Variants in ERC1 observed in about 807,000 individuals in gnomAD.
ERC1 encodes the protein ELKS/RAB6-interacting/CAST family member 1.
In ERC1, 56 loss-of-function variants were observed where a neutral mutation model predicts 132.0. The ratio of observed to expected loss-of-function variants is 0.42; its 90% CI spans 0.34 to 0.53. The LOEUF is 0.53. Ranked by LOEUF, ERC1 falls within the 20% of genes least tolerant of loss-of-function variation. The pLI, the probability that ERC1 is intolerant of heterozygous loss-of-function variation, is 0.03. For missense variants in ERC1, 1,202 were observed against 1,349.9 expected, an observed-to-expected ratio of 0.89 and a Z score of 1.72; for synonymous variants, 478 against 476.1, an observed-to-expected ratio of 1.00 and a Z score of -0.05.
chr12:1,224,537 G>C (rs753195202), intron 12 of ERC1, among the ~76,000 whole-genome samples: 1 of 152,080 alleles, frequency 6.6e-6, no homozygotes, highest in Non-Finnish European at 1.5e-5. Context: ...GTGCCATACT[G>C]TACTACTTTG....
chr12:1,154,380 C>T (rs963046133), intron 8 of ERC1, among the ~76,000 whole-genome samples: 1 of 150,102 alleles, frequency 6.7e-6, no homozygotes, highest in Non-Finnish European at 1.5e-5. Flanking sequence ...CACACACACA[C>T]ACTTTCTGTC....
chr12:1,047,322 CACAT>C (rs1181856658), intron 2 of ERC1, among the ~76,000 whole-genome samples: 2 of 152,012 alleles, frequency 1.3e-5, no homozygotes, highest in Non-Finnish European at 2.9e-5. Flanking sequence ...CATTTATTGA[CACAT>C]ACAGAAATAT....
chr12:1,306,059 A>G (rs1173654317), intron 15 of ERC1, among the ~76,000 whole-genome samples: 4 of 152,120 alleles, frequency 2.6e-5, no homozygotes, highest in Non-Finnish European at 5.9e-5. Context: ...CCCAAACTTT[A>G]TGGTGTCTTC....
At chr12:1,470,628 C>G (rs1040021222) in intron 18 of ERC1, among the ~76,000 whole-genome samples, 1 of 151,930 alleles carries the variant, frequency 6.6e-6, no homozygotes, top group African/African-American at 2.4e-5. Flanking sequence ...AACGACGAGC[C>G]CTTAATTTGA....
chr12:1,362,883 G>C (rs1384668459), intron 15 of ERC1, among the ~76,000 whole-genome samples: 2 of 152,162 alleles, frequency 1.3e-5, no homozygotes, highest in African/African-American at 4.8e-5. Flanking sequence ...ATCTGTATTT[G>C]ACTATAGGTT....
chr12:1,448,328 G>C lies in ERC1; in HGVS notation c.3213+3578G>C, dbSNP rs114981461. On this transcript the variant is annotated intron_variant, in intron 18 of 18. Coordinates refer to ENST00000360905, the MANE Select transcript of ERC1 (RefSeq NM_178040.4). ...CGAGAGACCTGGGTCATCTACAGAG[G>C]AATACAGTAACTAACAACCCCTACT... Among the ~76,000 whole-genome samples, 911 of 152,306 alleles carry C rather than the reference G, an allele frequency of 6.0e-3. 15 individuals carry two copies. The highest frequency in any genetic ancestry group is 0.021 in the African/African-American group (861 of 41,562).
intron 8 of ERC1, among the ~76,000 whole-genome samples, chr12:1,179,709 GT>G (rs1954181712): frequency 6.6e-6 from 1 of 151,704 alleles, no homozygotes; most frequent in Non-Finnish European, 1.5e-5. Context: ...GGGTTTCACC[GT>G]TTTAGCTGGG....
intron 18 of ERC1, among the ~76,000 whole-genome samples, chr12:1,464,783 G>C (rs911559037): frequency 2.0e-5 from 3 of 151,902 alleles, no homozygotes; most frequent in African/African-American, 7.3e-5. Context: ...GCCTCCCAAA[G>C]TGCTGGGATT....
At chr12:1,443,908 T>A (rs749782478) in intron 17 of ERC1, 1 of 152,202 alleles carries the variant, frequency 6.6e-6, no homozygotes, top group Non-Finnish European at 1.5e-5. Context: ...AATTTCAGAG[T>A]CCTTGGCTGT....
At chr12:1,363,675 C>G (rs1430792692) in intron 15 of ERC1, among the ~76,000 whole-genome samples, 1 of 151,506 alleles carries the variant, frequency 6.6e-6, no homozygotes, top group Non-Finnish European at 1.5e-5. Flanking sequence ...CCACCTCAGT[C>G]CCCCAGGTAG....
At chr12:1,390,119 C>A (rs934690839) in intron 16 of ERC1, among the ~76,000 whole-genome samples, 7 of 152,086 alleles carry the variant, frequency 4.6e-5, no homozygotes, top group Non-Finnish European at 1.0e-4. Context: ...TACCAGTAGA[C>A]ATTTTATTAA....
chr12:1,221,594 T>C (rs1240461764), intron 12 of ERC1, among the ~76,000 whole-genome samples: 1 of 152,224 alleles, frequency 6.6e-6, no homozygotes, highest in Non-Finnish European at 1.5e-5. Flanking sequence ...TTTAGACAGT[T>C]AGGAATATGG....
intron 18 of ERC1, among the ~76,000 whole-genome samples, chr12:1,478,065 T>A (rs1005071777): frequency 7.2e-5 from 11 of 152,222 alleles, no homozygotes. Context: ...TCAGGTGAAT[T>A]TACATGTACC....
At chr12:1,309,432 A>G (rs73032719) in intron 15 of ERC1, among the ~76,000 whole-genome samples, 5,360 of 152,290 alleles carry the variant, frequency 0.035, 102 homozygotes, top group Middle Eastern at 0.075. Context: ...AGTATTGATG[A>G]CATCTTAGTT....
chr12:1,431,806 A>G (rs1219118173), intron 17 of ERC1, among the ~76,000 whole-genome samples: 1 of 152,216 alleles, frequency 6.6e-6, no homozygotes, highest in African/African-American at 2.4e-5. Context: ...CTTTAATATT[A>G]TATTTACCCT....
chr12:1,050,885 G>A (rs1012273584), intron 2 of ERC1, among the ~76,000 whole-genome samples: 3 of 152,004 alleles, frequency 2.0e-5, no homozygotes, highest in African/African-American at 7.3e-5. Flanking sequence ...CGTTCCTGTA[G>A]TCCCAGCTAC....
intron 15 of ERC1, among the ~76,000 whole-genome samples, chr12:1,304,850 C>A (rs1052585172): frequency 1.6e-4 from 19 of 121,396 alleles, no homozygotes; most frequent in South Asian, 5.8e-4. Flanking sequence ...AGTACAGTGG[C>A]GTGATCTCGG....
chr12:1,033,232 T>A (rs1247947698), intron 2 of ERC1, among the ~76,000 whole-genome samples: 1 of 151,892 alleles, frequency 6.6e-6, no homozygotes, highest in African/African-American at 2.4e-5. Flanking sequence ...GAGATGGAGT[T>A]TCACTGTGTT....
intron 12 of ERC1, among the ~76,000 whole-genome samples, chr12:1,233,412 A>C (rs1367397578): frequency 6.8e-6 from 1 of 147,376 alleles, no homozygotes; most frequent in African/African-American, 2.5e-5. Flanking sequence ...TGGAGGTTGC[A>C]GTCAGCCAAC....
Sources: gnomAD v4.1 joint callset for allele counts (sites outside exome capture counted in the v4.1 genomes callset) on GRCh38, gnomAD v4.1.1 for gene constraint, MANE v1.5 for transcripts, NCBI Gene and HGNC (gene_info 2026-07-23, HGNC 2026-07-21) for gene names.